PTPRD: variants seen among roughly 807,000 people sequenced by gnomAD.
The protein encoded by PTPRD is receptor-type tyrosine-protein phosphatase delta.
Under a neutral mutation model 214.5 loss-of-function variants are expected in PTPRD, and 34 were observed. The ratio of observed to expected loss-of-function variants is 0.16; its 90% CI spans 0.12 to 0.21. The LOEUF (loss-of-function observed/expected upper bound fraction) is 0.21. PTPRD is among the 10% of genes least tolerant of loss of function. The pLI is 1.00. For missense variants in PTPRD, 2,545 were observed against 2,398.7 expected, an observed-to-expected ratio of 1.06 and a Z score of -1.27; for synonymous variants, 1,128 against 845.7, an observed-to-expected ratio of 1.33 and a Z score of -5.79.
intron 2 of PTPRD, among the ~76,000 whole-genome samples, chr9:10,556,858 G>T (rs1034982700): frequency 2.6e-5 from 4 of 152,038 alleles, no homozygotes; most frequent in South Asian, 2.1e-4. Flanking sequence ...ATAGTGATTT[G>T]CTATCCAATA....
intron 35 of PTPRD, among the ~76,000 whole-genome samples, chr9:8,429,813 G>C (rs1470305658): frequency 6.6e-6 from 1 of 152,184 alleles, no homozygotes; most frequent in African/African-American, 2.4e-5. Context: ...AGATCAAAGA[G>C]GCCTTCTTCA....
At chr9:9,363,635 A>T (rs1411011714) in intron 9 of PTPRD, among the ~76,000 whole-genome samples, 1 of 151,230 alleles carries the variant, frequency 6.6e-6, no homozygotes, top group East Asian at 2.0e-4. Flanking sequence ...TTTCTAGCTA[A>T]GTGGAAGTGG....
intron 9 of PTPRD, among the ~76,000 whole-genome samples, chr9:9,296,006 T>A (rs1397709711): frequency 6.6e-6 from 1 of 151,812 alleles, no homozygotes; most frequent in Non-Finnish European, 1.5e-5. Context: ...TACCTCAGGT[T>A]TTTTGTTTGT....
intron 2 of PTPRD, among the ~76,000 whole-genome samples, chr9:10,408,681 T>C (rs1224877115): frequency 6.6e-6 from 1 of 151,730 alleles, no homozygotes; most frequent in Non-Finnish European, 1.5e-5. Flanking sequence ...ATGACTCTTC[T>C]TTGCATGCTA....
intron 3 of PTPRD, among the ~76,000 whole-genome samples, chr9:10,228,674 T>TA (rs1336820998): frequency 2.6e-5 from 4 of 150,980 alleles, no homozygotes; most frequent in South Asian, 4.2e-4. Context: ...GGGTAATTTT[T>TA]AAAAAAAGTA....
At chr9:8,358,430 G>A (rs982085608) in intron 39 of PTPRD, among the ~76,000 whole-genome samples, 47 of 152,236 alleles carry the variant, frequency 3.1e-4, no homozygotes, top group African/African-American at 1.1e-3. Flanking sequence ...TTTTATGAAA[G>A]AACCAGGCTG....
chr9:9,512,545 T>C (rs1164362031), intron 8 of PTPRD, among the ~76,000 whole-genome samples: 1 of 151,916 alleles, frequency 6.6e-6, no homozygotes, highest in Non-Finnish European at 1.5e-5. Flanking sequence ...AATTTCGCTT[T>C]CCAATCAAAA....
intron 4 of PTPRD, among the ~76,000 whole-genome samples, chr9:9,947,445 T>A (rs1330447450): frequency 1.5e-4 from 4 of 27,482 alleles, no homozygotes; most frequent in African/African-American, 1.2e-3. Flanking sequence ...ATTATATATT[T>A]TATATATTTT....
chr9:9,186,159 T>A (rs1028151004), intron 9 of PTPRD, among the ~76,000 whole-genome samples: 3 of 152,140 alleles, frequency 2.0e-5, no homozygotes, highest in African/African-American at 7.2e-5. Flanking sequence ...AAATGGATTT[T>A]CAGCAAGTAA....
At chr9:9,161,827 T>A (rs1592684324) in intron 10 of PTPRD, among the ~76,000 whole-genome samples, 1 of 151,624 alleles carries the variant, frequency 6.6e-6, no homozygotes, top group East Asian at 1.9e-4. Flanking sequence ...CATATAACAG[T>A]AATGGTAACA....
chr9:9,176,304 T>C (rs1462733829), intron 10 of PTPRD, among the ~76,000 whole-genome samples: 2 of 152,186 alleles, frequency 1.3e-5, no homozygotes, highest in Non-Finnish European at 2.9e-5. Context: ...TTCATGAACA[T>C]AATCATTGAT....
intron 9 of PTPRD, among the ~76,000 whole-genome samples, chr9:9,373,500 C>G (rs1339854067): frequency 6.6e-6 from 1 of 151,986 alleles, no homozygotes; most frequent in African/African-American, 2.4e-5. Flanking sequence ...GGGCTAAACT[C>G]AAAGGGTATT....
At chr9:9,420,854 G>GA (rs1174228089) in intron 8 of PTPRD, among the ~76,000 whole-genome samples, 1 of 151,794 alleles carries the variant, frequency 6.6e-6, no homozygotes, top group Admixed American at 6.6e-5. Flanking sequence ...TATTTGTAAA[G>GA]AAAAAATATC....
chr9:9,634,113 A>T (rs888794906), intron 7 of PTPRD, among the ~76,000 whole-genome samples: 2 of 152,154 alleles, frequency 1.3e-5, no homozygotes, highest in Admixed American at 1.3e-4. Context: ...TGACAAAAGC[A>T]GCTTCAATTG....
intron 11 of PTPRD, among the ~76,000 whole-genome samples, chr9:8,819,058 T>C (rs1205894743): frequency 1.3e-5 from 2 of 152,318 alleles, no homozygotes; most frequent in Non-Finnish European, 2.9e-5. Flanking sequence ...TAGAAAATGA[T>C]GGTTTAACAA....
chr9:10,042,723 T>A (rs2097318666), intron 3 of PTPRD, among the ~76,000 whole-genome samples: 4 of 151,918 alleles, frequency 2.6e-5, no homozygotes. Context: ...GCTACATTGG[T>A]AGGTGTAGCT....
intron 11 of PTPRD, among the ~76,000 whole-genome samples, chr9:8,978,006 G>C (rs1455214061): frequency 6.6e-6 from 1 of 151,906 alleles, no homozygotes. Context: ...ATTTTGTTTG[G>C]ATTTAAAGTA....
chr9:10,552,992 A>C (rs1328778624), intron 2 of PTPRD, among the ~76,000 whole-genome samples: 1 of 152,140 alleles, frequency 6.6e-6, no homozygotes, highest in African/African-American at 2.4e-5. Context: ...CCTAGGGTAG[A>C]TTTATTTACA....
At chr9:10,189,515 G>A (rs1023472237) in intron 3 of PTPRD, among the ~76,000 whole-genome samples, 14 of 152,096 alleles carry the variant, frequency 9.2e-5, no homozygotes, top group Admixed American at 5.2e-4. Context: ...CAATGGGATG[G>A]AGAATATATT....
Sources: gnomAD v4.1 joint callset for allele counts (sites outside exome capture counted in the v4.1 genomes callset) on GRCh38, gnomAD v4.1.1 for gene constraint, MANE v1.5 for transcripts, NCBI Gene and HGNC (gene_info 2026-07-23, HGNC 2026-07-21) for gene names.